Variants in PTPRN2 observed in about 807,000 individuals in gnomAD.
The protein encoded by PTPRN2 is protein tyrosine phosphatase receptor type N2.
In PTPRN2, 74 loss-of-function variants were observed where a neutral mutation model predicts 118.8. That is an observed-to-expected ratio of 0.62 (90% confidence interval 0.52 to 0.76). PTPRN2 has a LOEUF of 0.76. Ranked by LOEUF, PTPRN2 falls within the 30% of genes least tolerant of loss-of-function variation. The pLI is 0.00. For synonymous variants in PTPRN2, 641 were observed against 608.0 expected, an observed-to-expected ratio of 1.05 and a Z score of -0.80; for missense variants, 1,481 against 1,394.4, an observed-to-expected ratio of 1.06 and a Z score of -0.99.
chr7:157,794,041 G>A lies in PTPRN2; in HGVS notation c.1788+104632C>T, dbSNP rs1011899679. On this transcript the variant is annotated intron_variant, in intron 12 of 22. Coordinates refer to ENST00000389418, the MANE Select transcript of PTPRN2 (RefSeq NM_002847.5). The surrounding 1 kb of genome is among the most constrained non-coding windows in gnomAD (Gnocchi z 5.2). ...CCTTCGGGCCTCGGCAGCACACCTC[G>A]AGGGGCCCAGGACAAGCTCGGGGCC... Among the ~76,000 whole-genome samples, 8 of 152,106 alleles carry A rather than the reference G, an allele frequency of 5.3e-5. No individual in the cohort carries two copies. Among genetic ancestry groups the A allele is most frequent in the African/African-American group, 1.9e-4 (8 of 41,406 alleles).
At position 157,796,483 on chromosome 7, in the gene PTPRN2, T is replaced by C. The variant is rs554973490; in HGVS notation, c.1788+102190A>G. ...CTGAACGCCTGCCCATGGAAGCCAC[T>C]GTCCTCATCACTGGGAAAGGCGCAG... is the stretch of plus-strand genomic sequence containing the variant. On this transcript the variant is annotated intron_variant, in intron 12 of 22. Transcript: ENST00000389418. 2.6e-5 allele frequency among the ~76,000 whole-genome samples: 4 copies of C among 152,346 alleles called. No homozygotes were observed. The South Asian group carries it at 6.2e-4, about 24-fold the overall frequency.
At chr7:158,291,802 GCTAACACTACCAGAACC>G (rs1206422255) in intron 3 of PTPRN2, among the ~76,000 whole-genome samples, 1 of 152,194 alleles carries the variant, frequency 6.6e-6, no homozygotes, top group African/African-American at 2.4e-5. Context: ...CTTAGAGCCA[GCTAACACTACCAGAACC>G]CTAACAAAAT....
At chr7:157,995,718 C>A (rs1236128171) in intron 11 of PTPRN2, among the ~76,000 whole-genome samples, 1 of 152,248 alleles carries the variant, frequency 6.6e-6, no homozygotes, top group East Asian at 1.9e-4. Context: ...GGCGTAGCAC[C>A]TCCTGTCAGA....
At chr7:158,260,295 C>CAA (rs1797312096) in intron 3 of PTPRN2, among the ~76,000 whole-genome samples, 3 of 152,206 alleles carry the variant, frequency 2.0e-5, no homozygotes, top group African/African-American at 4.8e-5. Flanking sequence ...GCTAGCTTGA[C>CAA]AAAAGCTTTC....
rs941798257 is a variant in PTPRN2 at position 157,881,149 on chromosome 7, G to T, written c.1788+17524C>A. ...AAATGAAGTCATGAGGGTATGTGGA[G>T]ATGGAGGTGTTTACAGGAATCATTA... On this transcript the variant is annotated intron_variant, in intron 12 of 22. Transcript: ENST00000389418. This position sits in a 1 kb window ranked among gnomAD's most constrained non-coding sequence, Gnocchi z 4.7. Among the ~76,000 whole-genome samples the T allele has an allele frequency of 1.3e-5, 2 of 152,036 alleles. No individual in the cohort carries two copies. The highest frequency in any genetic ancestry group is 4.8e-5 in the African/African-American group (2 of 41,362).
intron 2 of PTPRN2, among the ~76,000 whole-genome samples, chr7:158,392,095 G>A (rs1811972424): frequency 6.6e-6 from 1 of 152,202 alleles, no homozygotes; most frequent in Non-Finnish European, 1.5e-5. Flanking sequence ...GCCTTTGGGG[G>A]TGACCTTTGG....
intron 3 of PTPRN2, among the ~76,000 whole-genome samples, chr7:158,250,185 A>G (rs1322743600): frequency 6.6e-6 from 1 of 152,230 alleles, no homozygotes; most frequent in Non-Finnish European, 1.5e-5. Flanking sequence ...GGAAAGCCGA[A>G]CAACAGGACC....
chr7:158,381,209 A>G (rs919327070), intron 2 of PTPRN2, among the ~76,000 whole-genome samples: 3 of 152,180 alleles, frequency 2.0e-5, no homozygotes, highest in African/African-American at 7.2e-5. Flanking sequence ...TTCTAGTCAG[A>G]AATTGGGATT....
Position 157,794,021 on chromosome 7 carries a change from G to C in PTPRN2, c.1788+104652C>G, listed in dbSNP as rs573116692. On this transcript the variant is annotated intron_variant, in intron 12 of 22. Transcript: ENST00000389418. The surrounding 1 kb of genome is among the most constrained non-coding windows in gnomAD (Gnocchi z 5.2). ...GGTCCCCACCCTCCAGGCCACCTTC[G>C]GGCCTCGGCAGCACACCTCGAGGGG... Among the ~76,000 whole-genome samples, 39 of 152,248 alleles carry C rather than the reference G, an allele frequency of 2.6e-4. No homozygotes were observed. Among genetic ancestry groups the C allele is most frequent in the African/African-American group, 9.1e-4 (38 of 41,554 alleles).
At chr7:158,494,093 C>T (rs1442009697) in intron 1 of PTPRN2, among the ~76,000 whole-genome samples, 1 of 152,242 alleles carries the variant, frequency 6.6e-6, no homozygotes, top group Admixed American at 6.5e-5. Context: ...GCCTCTCTTA[C>T]CCCAATCACT....
At chr7:158,084,479 T>C (rs1363809652) in intron 10 of PTPRN2, among the ~76,000 whole-genome samples, 2 of 152,092 alleles carry the variant, frequency 1.3e-5, no homozygotes, top group African/African-American at 4.8e-5. Flanking sequence ...ATAAATCCCA[T>C]GTGCATATTG....
chr7:158,416,556 G>A (rs80152373), intron 2 of PTPRN2, among the ~76,000 whole-genome samples: 4,630 of 152,282 alleles, frequency 0.03, 96 homozygotes, highest in Middle Eastern at 0.082. Flanking sequence ...TCATCTCCCA[G>A]GGAGAAACCA....
chr7:157,696,469 C>T (rs1230903490), intron 12 of PTPRN2, among the ~76,000 whole-genome samples: 2 of 143,298 alleles, frequency 1.4e-5, no homozygotes. Flanking sequence ...ACCATCTACC[C>T]ATGCATACTG....
At chr7:157,748,744 T>C (rs1239013359) in intron 12 of PTPRN2, among the ~76,000 whole-genome samples, 3 of 123,608 alleles carry the variant, frequency 2.4e-5, no homozygotes, top group Non-Finnish European at 3.4e-5. Context: ...CTGTGGGCTG[T>C]CCGGGTGATT....
intron 1 of PTPRN2, among the ~76,000 whole-genome samples, chr7:158,511,516 C>A (rs1317235435): frequency 6.6e-6 from 1 of 152,198 alleles, no homozygotes; most frequent in Admixed American, 6.5e-5. Flanking sequence ...AAAAAGGAGG[C>A]CATCCACACA....
intron 11 of PTPRN2, among the ~76,000 whole-genome samples, chr7:158,071,749 T>TGGC (rs1811831492): frequency 7.3e-6 from 1 of 137,916 alleles, no homozygotes; most frequent in African/African-American, 2.9e-5. Context: ...GAGGTGCTCA[T>TGGC]GGTGGAGGTG....
At chr7:157,695,823 AGTAGAGCCCTCACCG>A (rs1797739482) in intron 12 of PTPRN2, among the ~76,000 whole-genome samples, 1 of 152,198 alleles carries the variant, frequency 6.6e-6, no homozygotes, top group South Asian at 2.1e-4. Context: ...ACTGCATCTT[AGTAGAGCCCTCACCG>A]TCTACCCGTG....
chr7:157,917,476 GGGCGGGGCTTC>G, intron 11 of PTPRN2, among the ~76,000 whole-genome samples: 1 of 152,364 alleles, frequency 6.6e-6, no homozygotes, highest in Middle Eastern at 3.4e-3. Flanking sequence ...TTCTGCCGGG[GGGCGGGGCTTC>G]GGTGGAAAGG....
intron 2 of PTPRN2, among the ~76,000 whole-genome samples, chr7:158,441,263 GGTGATA>G (rs1442862251): frequency 3.4e-5 from 3 of 89,068 alleles, no homozygotes; most frequent in South Asian, 3.7e-4. Context: ...TGATGGTGAT[GGTGATA>G]GTGATGGTGA....
Sources: allele counts gnomAD v4.1 joint callset (sites outside exome capture counted in the v4.1 genomes callset), GRCh38; gene constraint gnomAD v4.1.1; non-coding constraint Gnocchi (gnomAD v3.1); transcripts MANE v1.5; gene names NCBI Gene and HGNC (gene_info 2026-07-23, HGNC 2026-07-21).